The following CCDC171 variants were observed in gnomAD, a reference collection of about 807,000 sequenced individuals.
CCDC171 encodes coiled-coil domain containing 171.
A neutral mutation model predicts 168.2 loss-of-function variants in CCDC171; 177 were observed. That is an observed-to-expected ratio of 1.05 (90% confidence interval 0.93 to 1.19). The LOEUF (loss-of-function observed/expected upper bound fraction) is 1.19, where lower values mean the gene tolerates loss of function less well. Among genes scored for constraint, CCDC171 ranks in the 50% most tolerant of loss-of-function variants. The pLI is 0.00. For synonymous variants in CCDC171, 687 were observed against 540.8 expected (o/e 1.27, Z -3.75); for missense variants, 1,991 against 1,539.0 (o/e 1.29, Z -4.91).
At chr9:15,903,299 C>T (rs955334602) in intron 24 of CCDC171, among the ~76,000 whole-genome samples, 5 of 152,116 alleles carry the variant, frequency 3.3e-5, no homozygotes, top group African/African-American at 1.2e-4. Flanking sequence ...GGCAGACTGA[C>T]ACCTCACATG....
At chr9:15,995,561 G>C (rs2987032) in intron 3 of CCDC171, among the ~76,000 whole-genome samples, 75,898 of 152,084 alleles carry the variant, frequency 0.5, 20,346 homozygotes, top group African/African-American at 0.71. Context: ...TGTAGGAGCT[G>C]TCATCAGCTG....
At chr9:16,091,873 CTT>C in the CCDC171 span, among the ~76,000 whole-genome samples, 1 of 152,128 alleles carries the variant, frequency 6.6e-6, no homozygotes, top group African/African-American at 2.4e-5. Context: ...ACAGCTATAT[CTT>C]TTTTAAAATT....
chr9:15,793,551 G>GTTTTTTTTTTTTTTTTTTTT lies in CCDC171; in HGVS notation c.3267+8867_3267+8886dup, dbSNP rs3082839. ...AGCACCACATCGCACTTATTCCAAG[G>GTTTTTTTTTTTTTTTTTTTT]TTTTTTTTTTTTTTTTTTTTTTTTT... On this transcript the variant is annotated intron_variant, in intron 21 of 25. Coordinates refer to ENST00000380701, the MANE Select transcript of CCDC171 (RefSeq NM_173550.4). Among the ~76,000 whole-genome samples, 4 of 77,060 alleles carry GTTTTTTTTTTTTTTTTTTTT rather than the reference G, an allele frequency of 5.2e-5. 1 individual carries two copies. Among genetic ancestry groups the GTTTTTTTTTTTTTTTTTTTT allele is most frequent in the African/African-American group, 2.6e-4 (4 of 15,542 alleles). 50.6% of individuals were successfully genotyped at this position (77,060 alleles called of 152,430 possible).
chr9:15,745,237 T>C (rs189409314), intron 17 of CCDC171, among the ~76,000 whole-genome samples: 12 of 152,354 alleles, frequency 7.9e-5, no homozygotes, highest in Admixed American at 6.5e-4. Context: ...CATAACTATT[T>C]TGAAGAAACA....
intron 3 of CCDC171, among the ~76,000 whole-genome samples, chr9:15,988,379 C>G (rs1832066201): frequency 6.6e-6 from 1 of 152,182 alleles, no homozygotes; most frequent in Non-Finnish European, 1.5e-5. Flanking sequence ...AATATTTCCT[C>G]CAGAATCATT....
chr9:15,963,335 A>G (rs575823454), intron 25 of CCDC171, among the ~76,000 whole-genome samples: 1 of 152,226 alleles, frequency 6.6e-6, no homozygotes, highest in African/African-American at 2.4e-5. Flanking sequence ...GTGTGTGAAA[A>G]AAAATCACTC....
intron 16 of CCDC171, among the ~76,000 whole-genome samples, chr9:15,742,250 C>T (rs772961796): frequency 3.9e-5 from 6 of 152,182 alleles, no homozygotes; most frequent in Non-Finnish European, 8.8e-5. Flanking sequence ...AGAATAGGGA[C>T]AGTTCCAGGA....
At chr9:16,024,328 C>A (rs1423953298) in intron 6 of CCDC171, among the ~76,000 whole-genome samples, 1 of 152,136 alleles carries the variant, frequency 6.6e-6, no homozygotes, top group African/African-American at 2.4e-5. Context: ...CAAACTGGAC[C>A]AGGCCCATAT....
intron 18 of CCDC171, among the ~76,000 whole-genome samples, chr9:15,775,897 T>A (rs1379123024): frequency 6.6e-6 from 1 of 151,614 alleles, no homozygotes; most frequent in Non-Finnish European, 1.5e-5. Context: ...ATAAAAAGAG[T>A]TTGTTAAGAT....
chr9:15,753,562 T>C (rs1446012383), intron 18 of CCDC171, among the ~76,000 whole-genome samples: 2 of 152,160 alleles, frequency 1.3e-5, no homozygotes, highest in Non-Finnish European at 2.9e-5. Context: ...CTTTCAATGT[T>C]AAAATATTGA....
rs777005274 is a variant in CCDC171, at chr9:15,744,444, C to G, written c.2221C>G (p.Leu741Val). The change falls in exon 17 of 26, where the codon CTC becomes GTC. Residue 741 changes from leucine to valine, a missense_variant. Coordinates refer to ENST00000380701, the MANE Select transcript of CCDC171 (RefSeq NM_173550.4). The stretch of plus-strand genomic sequence containing the variant: ...ATTAATGGCTGGTGCCTTATATCCC[C>G]TCTATAGCCGATCATGCGCCTTGTC... ...CALMAGALYP[L>V]YSRSCALSTQ... is the part of the protein sequence containing the mutation. 5 of 1,613,960 alleles carry G rather than the reference C, an allele frequency of 3.1e-6. No individual in the cohort carries two copies. In the African/African-American group the frequency reaches 6.7e-5, roughly 22 times the overall value.
intron 24 of CCDC171, among the ~76,000 whole-genome samples, chr9:15,907,701 T>C (rs932150563): frequency 2.0e-5 from 3 of 152,124 alleles, no homozygotes; most frequent in African/African-American, 7.2e-5. Flanking sequence ...CAAAAGAAAC[T>C]ACCATCAGAG....
At chr9:16,041,587 G>C (rs1833572796), upstream of CCDC171, among the ~76,000 whole-genome samples, 1 of 152,146 alleles carries the variant, frequency 6.6e-6, no homozygotes, top group Admixed American at 6.6e-5. Context: ...TTTCTGAAAT[G>C]TTATTATTTT....
chr9:15,703,140 A>C (rs2051902992), intron 11 of CCDC171, among the ~76,000 whole-genome samples: 1 of 152,072 alleles, frequency 6.6e-6, no homozygotes, highest in Admixed American at 6.6e-5. Context: ...TCCTGACCTT[A>C]AGCGGTCTGC....
intron 5 of CCDC171, 22 bp downstream of exon 5, chr9:15,591,578 A>C: frequency 7.6e-7 from 1 of 1,309,950 alleles, no homozygotes; most frequent in South Asian, 1.3e-5. Flanking sequence ...TTTATAAAGG[A>C]ATTTTCCGAT....
intron 4 of CCDC171, 105 bp downstream of exon 4, chr9:15,579,128 G>T: frequency 2.3e-6 from 2 of 872,346 alleles, no homozygotes; most frequent in Non-Finnish European, 1.7e-6. Context: ...GTAAGATTCT[G>T]ATTCGTTGAC....
chr9:15,571,376 CTT>C (rs1365594710), intron 2 of CCDC171, among the ~76,000 whole-genome samples: 8 of 152,094 alleles, frequency 5.3e-5, no homozygotes, highest in African/African-American at 1.4e-4. Flanking sequence ...AAGTAGCAAT[CTT>C]GAATAATGTG....
chr9:16,014,000 GACA>G (rs1250106353), intron 3 of CCDC171, among the ~76,000 whole-genome samples: 1 of 152,160 alleles, frequency 6.6e-6, no homozygotes, highest in African/African-American at 2.4e-5. Context: ...CTGAAAATAA[GACA>G]ACGAGGTTTG....
intron 25 of CCDC171, among the ~76,000 whole-genome samples, chr9:15,939,527 A>T (rs1326236256): frequency 1.3e-5 from 2 of 151,886 alleles, no homozygotes; most frequent in African/African-American, 2.4e-5. Context: ...CCATTTCAAT[A>T]ACAAAAGTGC....
Sources: gnomAD v4.1 joint callset for allele counts (sites outside exome capture counted in the v4.1 genomes callset) on GRCh38, gnomAD v4.1.1 for gene constraint, MANE v1.5 for transcripts, NCBI Gene and HGNC (gene_info 2026-07-23, HGNC 2026-07-21) for gene names.